The following MYO1H variants were observed in gnomAD, a reference collection of about 807,000 sequenced individuals.
The protein encoded by MYO1H is unconventional myosin-Ih.
MYO1H carries 118 observed loss-of-function variants against 149.3 expected under a neutral mutation model. That is an observed-to-expected ratio of 0.79 (90% CI 0.68 to 0.92). The LOEUF (loss-of-function observed/expected upper bound fraction) is 0.92. Ranked by LOEUF, MYO1H falls within the 40% of genes least tolerant of loss-of-function variation. MYO1H has a pLI of 0.00. For synonymous variants in MYO1H, 447 were observed against 465.2 expected, an observed-to-expected ratio of 0.96 and a Z score of 0.50; for missense variants, 1,212 against 1,280.7, an observed-to-expected ratio of 0.95 and a Z score of 0.82.
chr12:109,321,212 C>T, the MYO1H span, among the ~76,000 whole-genome samples: 1 of 152,118 alleles, frequency 6.6e-6, no homozygotes, highest in Non-Finnish European at 1.5e-5. Context: ...AAGATCTTTG[C>T]AATGTCTAAA....
At chr12:109,418,863 A>G (rs1228963113) in intron 15 of MYO1H, among the ~76,000 whole-genome samples, 2 of 152,342 alleles carry the variant, frequency 1.3e-5, no homozygotes, top group African/African-American at 4.8e-5. Flanking sequence ...CTTTTAAATA[A>G]GAGTATATTT....
At chr12:109,415,562 T>A (rs1272366494) in exon 15 of MYO1H, 1 of 1,608,318 alleles carries the variant, frequency 6.2e-7, no homozygotes, top group African/African-American at 1.3e-5. Context: ...GAAAGAGGAT[T>A]GGCTGGATGG....
chr12:109,397,064 G>A (rs999369768), intron 4 of MYO1H, among the ~76,000 whole-genome samples: 8 of 151,904 alleles, frequency 5.3e-5, no homozygotes, highest in African/African-American at 1.5e-4. Flanking sequence ...CTGACCTCAG[G>A]TGACCTTCCC....
chr12:109,404,663 C>CT (rs1409639489), intron 7 of MYO1H, among the ~76,000 whole-genome samples: 1 of 152,096 alleles, frequency 6.6e-6, no homozygotes, highest in Non-Finnish European at 1.5e-5. Context: ...TCTGGCAACT[C>CT]TAAGTTTTCC....
chr12:109,432,055 A>G (rs142653036), intron 19 of MYO1H, among the ~76,000 whole-genome samples: 1 of 130,222 alleles, frequency 7.7e-6, no homozygotes, highest in Non-Finnish European at 1.5e-5. Flanking sequence ...AGGCTGGAGT[A>G]CAGTGGCGCA....
chr12:109,434,828 TAGAG>T (rs1245556527), intron 20 of MYO1H, among the ~76,000 whole-genome samples: 1 of 152,194 alleles, frequency 6.6e-6, no homozygotes, highest in Non-Finnish European at 1.5e-5. Flanking sequence ...TCTGTGTGTA[TAGAG>T]ACACTCTCAA....
At chr12:109,405,817 AT>A in intron 7 of MYO1H, 104 bp from the exon 8 acceptor site, 7 of 783,900 alleles carry the variant, frequency 8.9e-6, no homozygotes, top group South Asian at 1.5e-5. Flanking sequence ...GGACGGGGGC[AT>A]TTTTCCTTCA....
intron 19 of MYO1H, among the ~76,000 whole-genome samples, chr12:109,430,966 G>A (rs1356866984): frequency 6.6e-6 from 1 of 151,034 alleles, no homozygotes; most frequent in Non-Finnish European, 1.5e-5. Context: ...GTTTAAAATC[G>A]GATTTTAGAA....
chr12:109,423,854 T>G (rs1279292482), intron 16 of MYO1H, among the ~76,000 whole-genome samples: 1 of 151,786 alleles, frequency 6.6e-6, no homozygotes, highest in Non-Finnish European at 1.5e-5. Context: ...AAAATATTTT[T>G]CTGGTAAAGA....
At chr12:109,402,327 T>G (rs995470903) in intron 6 of MYO1H, among the ~76,000 whole-genome samples, 2 of 152,202 alleles carry the variant, frequency 1.3e-5, no homozygotes, top group Non-Finnish European at 2.9e-5. Flanking sequence ...TTGGCCTGGC[T>G]TTGAATGGAG....
chr12:109,417,800 G>A (rs1266461447), intron 15 of MYO1H, among the ~76,000 whole-genome samples: 1 of 147,768 alleles, frequency 6.8e-6, no homozygotes, highest in African/African-American at 2.6e-5. Context: ...TTTTAAGATT[G>A]GGTTTTTTTG....
At chr12:109,445,927 A>G (rs868411777) in intron 31 of MYO1H, 87 of 985,300 alleles carry the variant, frequency 8.8e-5, no homozygotes, top group Non-Finnish European at 1.0e-4. Context: ...ACAGTTATCC[A>G]TAACTATCCA....
At chr12:109,311,694 C>T in the MYO1H span, among the ~76,000 whole-genome samples, 1 of 152,162 alleles carries the variant, frequency 6.6e-6, no homozygotes, top group Non-Finnish European at 1.5e-5. Context: ...GTGAAATTCA[C>T]CTGCGTCCAT....
intron 1 of MYO1H, among the ~76,000 whole-genome samples, chr12:109,361,401 ACTT>A (rs1868743744): frequency 6.6e-6 from 1 of 152,154 alleles, no homozygotes; most frequent in African/African-American, 2.4e-5. Context: ...TTTGCTGAGG[ACTT>A]ACCCCCCAAA....
the MYO1H span, among the ~76,000 whole-genome samples, chr12:109,328,203 T>A: frequency 2.0e-5 from 3 of 151,376 alleles, no homozygotes; most frequent in East Asian, 3.9e-4. Flanking sequence ...TTAGTTTTTT[T>A]AAATTGGGGT....
At chr12:109,312,673 A>G in the MYO1H span, among the ~76,000 whole-genome samples, 1 of 152,228 alleles carries the variant, frequency 6.6e-6, no homozygotes, top group South Asian at 2.1e-4. Flanking sequence ...TGTGATTTGT[A>G]GTAATGATCA....
At chr12:109,327,739 C>CCA in the MYO1H span, among the ~76,000 whole-genome samples, 6 of 85,666 alleles carry the variant, frequency 7.0e-5, no homozygotes, top group African/African-American at 2.7e-4. Flanking sequence ...AAAACTGTCT[C>CCA]AAAAAAAAAA....
upstream of MYO1H, among the ~76,000 whole-genome samples, chr12:109,344,812 G>A (rs938237937): frequency 6.6e-6 from 1 of 152,166 alleles, no homozygotes; most frequent in Non-Finnish European, 1.5e-5. Context: ...AAAAGTTCAG[G>A]TGTAAACTAC....
chr12:109,318,972 G>GTTTTTGTTTTTTTTTTTT, the MYO1H span, among the ~76,000 whole-genome samples: 16 of 77,210 alleles, frequency 2.1e-4, no homozygotes, highest in African/African-American at 2.8e-4. Context: ...TTTTGGTTTT[G>GTTTTTGTTTTTTTTTTTT]TTTTTTTTTT....
Sources: gnomAD v4.1 joint callset for allele counts (sites outside exome capture counted in the v4.1 genomes callset) on GRCh38, gnomAD v4.1.1 for gene constraint, MANE v1.5 for transcripts, NCBI Gene and HGNC (gene_info 2026-07-23, HGNC 2026-07-21) for gene names.